Variants in SLC35F4 observed in about 807,000 individuals in gnomAD.
SLC35F4 encodes solute carrier family 35 member F4, also known as chromosome 14 open reading frame 36.
SLC35F4 carries 24 observed loss-of-function variants against 44.2 expected under a neutral mutation model. The ratio of observed to expected loss-of-function variants is 0.54; its 90% confidence interval spans 0.39 to 0.76. The LOEUF (loss-of-function observed/expected upper bound fraction) is 0.76, where lower values mean the gene tolerates loss of function less well. SLC35F4 is among the 30% of genes least tolerant of loss of function. The probability of loss-of-function intolerance (pLI) is 0.00; values close to 1 mark genes in which losing one functional copy is unlikely to be tolerated. For synonymous variants in SLC35F4, 238 were observed against 223.6 expected, an observed-to-expected ratio of 1.06 and a Z score of -0.57; for missense variants, 562 against 586.1, an observed-to-expected ratio of 0.96 and a Z score of 0.42.
At chr14:57,630,628 C>A in intron 1 of SLC35F4, 1 of 776,308 alleles carries the variant, frequency 1.3e-6, no homozygotes, top group Non-Finnish European at 2.3e-6. Context: ...AAATCACAGT[C>A]TATGTTTAGG....
At chr14:57,570,053 T>C (rs2068418696) in intron 5 of SLC35F4, 73 bp from the exon 6 acceptor site, 2 of 1,363,624 alleles carry the variant, frequency 1.5e-6, no homozygotes, top group Non-Finnish European at 2.0e-6. Flanking sequence ...TACTGTTCCA[T>C]ACTGTGAGCT....
At chr14:57,822,246 G>T (rs1883249760) in intron 1 of SLC35F4, among the ~76,000 whole-genome samples, 1 of 152,148 alleles carries the variant, frequency 6.6e-6, no homozygotes, top group Non-Finnish European at 1.5e-5. Flanking sequence ...TGTGTCCTTT[G>T]CTTTATATCC....
intron 1 of SLC35F4, among the ~76,000 whole-genome samples, chr14:57,638,016 C>T (rs1009776456): frequency 3.3e-5 from 5 of 152,106 alleles, no homozygotes; most frequent in Non-Finnish European, 4.4e-5. Flanking sequence ...ACGAGACCTA[C>T]GGTCATACCA....
At chr14:57,586,984 A>G (rs563800601) in intron 3 of SLC35F4, among the ~76,000 whole-genome samples, 1 of 151,448 alleles carries the variant, frequency 6.6e-6, no homozygotes, top group African/African-American at 2.4e-5. Flanking sequence ...ACACTTCTCA[A>G]AAGAAGACGT....
intron 1 of SLC35F4, among the ~76,000 whole-genome samples, chr14:57,620,612 G>C (rs952964700): frequency 6.6e-6 from 1 of 152,080 alleles, no homozygotes; most frequent in Non-Finnish European, 1.5e-5. Flanking sequence ...GTTTTCAAAG[G>C]GAATGCTTCC....
intron 1 of SLC35F4, among the ~76,000 whole-genome samples, chr14:57,623,298 C>T (rs1412679413): frequency 6.6e-6 from 1 of 151,986 alleles, no homozygotes; most frequent in Admixed American, 6.6e-5. Context: ...ACAGAAGCAC[C>T]CAGATTTGTA....
At chr14:57,583,905 G>A (rs751033979) in intron 3 of SLC35F4, among the ~76,000 whole-genome samples, 32 of 152,242 alleles carry the variant, frequency 2.1e-4, no homozygotes, top group Non-Finnish European at 1.9e-4. Context: ...AGACTTTCTG[G>A]GCAAGTGGCA....
At chr14:57,706,645 C>A in intron 1 of SLC35F4, among the ~76,000 whole-genome samples, 1 of 151,816 alleles carries the variant, frequency 6.6e-6, no homozygotes, top group Non-Finnish European at 1.5e-5. Flanking sequence ...CAAGCAGAGC[C>A]CAGTAAGACT....
chr14:57,581,311 A>C lies in SLC35F4; in HGVS notation c.710T>G (p.Leu237Arg). The C allele has an allele frequency of 6.2e-7, 1 of 1,613,772 alleles. No homozygotes were observed. The highest frequency in any genetic ancestry group is 8.5e-7 in the Non-Finnish European group (1 of 1,179,804). Residue 237 changes from leucine (L) to arginine (R), a missense_variant, in exon 4 of 8, where the codon CTG becomes CGG. Leu to Arg is a moderately radical substitution (Grantham distance 102). Transcript: ENST00000556826. Reference sequence around the variant, plus strand: ...CAGAGCGGAGACATCCGTGGCCGTCAGCTTCTTTAAAGCCAGTAAATAAAG... The same window carrying C: ...CAGAGCGGAGACATCCGTGGCCGTCCGCTTCTTTAAAGCCAGTAAATAAAG... The part of the protein sequence containing the change: ...NYLYLLALKK[L>R]TATDVSALFC...
chr14:57,624,337 C>T (rs1239452211), intron 1 of SLC35F4, among the ~76,000 whole-genome samples: 1 of 152,152 alleles, frequency 6.6e-6, no homozygotes. Flanking sequence ...AAGTCCAGGA[C>T]CAGGCGGATT....
rs886455424 is a variant in SLC35F4, at chr14:57,791,120, C to T, written c.103+74603G>A. ...CACCAAAAGCAATGGCAACAAAAGC[C>T]AAAATTGACAAATGGGATCTAATTA... is the stretch of plus-strand genomic sequence containing the variant. On this transcript the variant is annotated intron_variant, in intron 1 of 7. Transcript: ENST00000556826. Among the ~76,000 whole-genome samples the T allele has an allele frequency of 5.3e-5, 8 of 152,086 alleles. No homozygotes were observed. In the East Asian group the frequency reaches 1.5e-3, roughly 29 times the overall value.
chr14:57,810,401 A>G (rs1294563976), intron 1 of SLC35F4, among the ~76,000 whole-genome samples: 1 of 152,248 alleles, frequency 6.6e-6, no homozygotes, highest in African/African-American at 2.4e-5. Flanking sequence ...TATTGCGTGT[A>G]TCCCTGTGGA....
intron 1 of SLC35F4, among the ~76,000 whole-genome samples, chr14:57,941,613 A>G (rs905687605): frequency 1.3e-5 from 2 of 152,160 alleles, no homozygotes; most frequent in African/African-American, 4.8e-5. Flanking sequence ...AACAAAGTAG[A>G]GGTAGTAGTT....
chr14:57,940,986 A>G (rs887602624), intron 1 of SLC35F4, among the ~76,000 whole-genome samples: 1 of 152,208 alleles, frequency 6.6e-6, no homozygotes, highest in Admixed American at 6.5e-5. Context: ...GGGAAAACGA[A>G]TCCACTCATA....
At chr14:57,872,279 T>A (rs1372097641) in intron 1 of SLC35F4, among the ~76,000 whole-genome samples, 1 of 152,156 alleles carries the variant, frequency 6.6e-6, no homozygotes, top group Non-Finnish European at 1.5e-5. Flanking sequence ...TTCCCATCAG[T>A]AGAACTTGCT....
At chr14:57,838,627 A>G (rs17093751) in intron 1 of SLC35F4, among the ~76,000 whole-genome samples, 3,441 of 152,302 alleles carry the variant, frequency 0.023, 125 homozygotes, top group East Asian at 0.11. Flanking sequence ...CTCAACAACA[A>G]TAAGAGACAT....
intron 1 of SLC35F4, among the ~76,000 whole-genome samples, chr14:57,703,061 C>T (rs1309072917): frequency 6.6e-6 from 1 of 152,146 alleles, no homozygotes; most frequent in African/African-American, 2.4e-5. Context: ...AGCTCTTCTG[C>T]TAAGCCAGAT....
chr14:57,727,561 T>C (rs1037055282), intron 1 of SLC35F4, among the ~76,000 whole-genome samples: 1 of 152,128 alleles, frequency 6.6e-6, no homozygotes, highest in African/African-American at 2.4e-5. Context: ...CTGCTTTCAC[T>C]GTGTCCCATA....
chr14:57,642,802 A>T, intron 1 of SLC35F4, among the ~76,000 whole-genome samples: 1 of 151,980 alleles, frequency 6.6e-6, no homozygotes, highest in East Asian at 1.9e-4. Context: ...TCAGGAATTC[A>T]GATTTTTACC....
Sources: allele counts gnomAD v4.1 joint callset (sites outside exome capture counted in the v4.1 genomes callset), GRCh38; gene constraint gnomAD v4.1.1; transcripts MANE v1.5; gene names NCBI Gene and HGNC (gene_info 2026-07-23, HGNC 2026-07-21).